BCO1: variants seen among roughly 807,000 people sequenced by gnomAD.
BCO1 encodes beta-carotene oxygenase 1.
Under a neutral mutation model 56.3 loss-of-function variants are expected in BCO1, and 54 were observed. The observed-to-expected ratio is 0.96, with a 90% CI of 0.77 to 1.20. The LOEUF is 1.20. Ranked by LOEUF, BCO1 falls within the 50% of genes most tolerant of loss-of-function variation. BCO1 has a pLI of 0.00. For synonymous variants in BCO1, 318 were observed against 266.1 expected (o/e 1.20, Z -1.90); for missense variants, 801 against 690.9 (o/e 1.16, Z -1.79).
At chr16:81,265,121 C>CTA (rs1173298962) in intron 5 of BCO1, among the ~76,000 whole-genome samples, 1 of 151,892 alleles carries the variant, frequency 6.6e-6, no homozygotes, top group African/African-American at 2.4e-5. Context: ...ATTCATGCAT[C>CTA]TACTCACCGT....
At chr16:81,272,238 C>G (rs1048728653) in intron 7 of BCO1, among the ~76,000 whole-genome samples, 2 of 151,644 alleles carry the variant, frequency 1.3e-5, no homozygotes, top group African/African-American at 4.8e-5. Context: ...CTCAGCCTCC[C>G]AAGTAGCTGG....
In BCO1 at chr16:81,283,429, A is replaced by T. The variant is rs560946682; in HGVS notation, c.1208-2111A>T. ...ACATGGCAAAACCCCATCTCTATTT[A>T]AAAAAAAAAATACAAAAATTAGCCG... On this transcript the variant is annotated intron_variant, in intron 8 of 10. Transcript: ENST00000258168. Among the ~76,000 whole-genome samples, 60 of 145,024 alleles carry T rather than the reference A, an allele frequency of 4.1e-4. No homozygotes were observed. In the South Asian group the frequency reaches 6.8e-3, roughly 16 times the overall value.
At chr16:81,266,399 G>A (rs970729801) in intron 5 of BCO1, among the ~76,000 whole-genome samples, 1 of 152,108 alleles carries the variant, frequency 6.6e-6, no homozygotes, top group East Asian at 1.9e-4. Flanking sequence ...GAACTACAAC[G>A]GTGCTTCCTC....
At chr16:81,261,543 G>C (rs1429682555) in intron 3 of BCO1, among the ~76,000 whole-genome samples, 1 of 152,184 alleles carries the variant, frequency 6.6e-6, no homozygotes, top group Non-Finnish European at 1.5e-5. Flanking sequence ...CTTTGGAACA[G>C]TATGTCTTGC....
intron 8 of BCO1, among the ~76,000 whole-genome samples, chr16:81,283,296 C>G (rs1466689910): frequency 6.6e-6 from 1 of 151,716 alleles, no homozygotes; most frequent in African/African-American, 2.4e-5. Context: ...AACTACTGGC[C>G]AGGCGCAATG....
chr16:81,255,957 C>T (rs1400402245), intron 2 of BCO1, among the ~76,000 whole-genome samples: 1 of 150,428 alleles, frequency 6.6e-6, no homozygotes, highest in East Asian at 1.9e-4. Flanking sequence ...GCTGGGACCA[C>T]AGGTGCCCAG....
At chr16:81,242,777 C>T (rs1048761644) in intron 1 of BCO1, among the ~76,000 whole-genome samples, 2 of 152,088 alleles carry the variant, frequency 1.3e-5, no homozygotes, top group African/African-American at 4.8e-5. Context: ...CAGTCTGTAG[C>T]CTGTTAGGAA....
intron 2 of BCO1, among the ~76,000 whole-genome samples, chr16:81,246,622 A>C (rs572106440): frequency 6.6e-6 from 1 of 151,984 alleles, no homozygotes; most frequent in Non-Finnish European, 1.5e-5. Flanking sequence ...AGGCCAAGGC[A>C]GGCAGATCAT....
chr16:81,264,549 A>C, intron 4 of BCO1, 91 bp from the exon 5 acceptor site: 1 of 1,486,134 alleles, frequency 6.7e-7, no homozygotes, highest in Non-Finnish European at 9.4e-7. Flanking sequence ...TAGGACTTCA[A>C]CCTTTCTCCT....
chr16:81,262,317 G>T, intron 4 of BCO1, 34 bp downstream of exon 4: 1 of 1,603,964 alleles, frequency 6.2e-7, no homozygotes, highest in South Asian at 1.1e-5. Context: ...ATCACTTCCT[G>T]ACTCAAGAAA....
intron 2 of BCO1, among the ~76,000 whole-genome samples, chr16:81,254,233 A>G (rs1008015589): frequency 4.0e-5 from 6 of 150,592 alleles, no homozygotes; most frequent in African/African-American, 1.2e-4. Flanking sequence ...GGTTCAAGCA[A>G]TTCTCCTGCC....
chr16:81,248,405 CAAAAAAA>C (rs372084002), intron 2 of BCO1, among the ~76,000 whole-genome samples: 25 of 102,798 alleles, frequency 2.4e-4, no homozygotes, highest in African/African-American at 1.1e-3. Context: ...CTCCCTCTCA[CAAAAAAA>C]AAAAAAAAAA....
intron 6 of BCO1, among the ~76,000 whole-genome samples, chr16:81,269,720 G>A (rs926075839): frequency 5.9e-5 from 9 of 152,096 alleles, no homozygotes; most frequent in African/African-American, 2.2e-4. Flanking sequence ...CCACCTGCCC[G>A]GCCTCCCAAA....
chr16:81,262,379 C>G, intron 4 of BCO1, 96 bp downstream of exon 4: 2 of 1,357,862 alleles, frequency 1.5e-6, no homozygotes, highest in South Asian at 2.4e-5. Flanking sequence ...AAGCAGCTTA[C>G]CAGGGGAGCC....
chr16:81,282,645 C>A (rs1457487741), intron 8 of BCO1, among the ~76,000 whole-genome samples: 1 of 151,976 alleles, frequency 6.6e-6, no homozygotes, highest in African/African-American at 2.4e-5. Flanking sequence ...CAACCCCCAA[C>A]CCCCATCCCT....
chr16:81,273,628 A>G (rs1248717805), intron 7 of BCO1, among the ~76,000 whole-genome samples: 4 of 136,964 alleles, frequency 2.9e-5, no homozygotes, highest in African/African-American at 1.1e-4. Flanking sequence ...TCTACTTAAC[A>G]TTTAAAAATC....
Position 81,287,282 on chromosome 16 carries a change from G to A in BCO1, c.1303-13G>A, listed in dbSNP as rs8046477. Reference sequence around the variant, plus strand: ...ACAAGTCATTTATGTGTTTTTCCTCGTTGGATGTACAGATAATAAAATATG... The same window carrying A: ...ACAAGTCATTTATGTGTTTTTCCTCATTGGATGTACAGATAATAAAATATG... On this transcript the variant is annotated splice_polypyrimidine_tract_variant and intron_variant, in intron 9 of 10. Transcript: ENST00000258168. 7,555 of 1,576,478 alleles carry A rather than the reference G, an allele frequency of 4.8e-3. 264 individuals are homozygous for A. The African/African-American group carries it at 0.081, about 17-fold the overall frequency.
intron 2 of BCO1, among the ~76,000 whole-genome samples, chr16:81,249,092 C>CTTTTTTT (rs546566864): frequency 2.6e-4 from 35 of 133,400 alleles, no homozygotes; most frequent in African/African-American, 3.4e-4. Flanking sequence ...CTCTTTCTTT[C>CTTTTTTT]TTTTTTTTTT....
At chr16:81,271,641 T>C (rs1907225754) in intron 7 of BCO1, among the ~76,000 whole-genome samples, 1 of 152,162 alleles carries the variant, frequency 6.6e-6, no homozygotes, top group South Asian at 2.1e-4. Context: ...AGTCTTACAA[T>C]ACGTGATCTT....
Sources: allele counts gnomAD v4.1 joint callset (sites outside exome capture counted in the v4.1 genomes callset), GRCh38; gene constraint gnomAD v4.1.1; transcripts MANE v1.5; gene names NCBI Gene and HGNC (gene_info 2026-07-23, HGNC 2026-07-21).